ATP11A: variants seen among roughly 807,000 people sequenced by gnomAD.
ATP11A encodes phospholipid-transporting ATPase IH.
Under a neutral mutation model 154.4 loss-of-function variants are expected in ATP11A, and 81 were observed. The observed-to-expected ratio is 0.52, with a 90% CI of 0.44 to 0.63. ATP11A has a LOEUF of 0.63. Ranked by LOEUF, ATP11A falls within the 30% of genes least tolerant of loss-of-function variation. The probability of loss-of-function intolerance (pLI) is 0.00; values close to 1 mark genes in which losing one functional copy is unlikely to be tolerated. For missense variants in ATP11A, 1,316 were observed against 1,474.3 expected, an observed-to-expected ratio of 0.89 and a Z score of 1.76; for synonymous variants, 623 against 585.9, an observed-to-expected ratio of 1.06 and a Z score of -0.91.
At chr13:112,831,961 ACT>A (rs869220178) in intron 13 of ATP11A, among the ~76,000 whole-genome samples, 9 of 62,584 alleles carry the variant, frequency 1.4e-4, no homozygotes, top group East Asian at 6.5e-4. Flanking sequence ...AGACACACAC[ACT>A]CACACATGCC....
At chr13:112,866,420 C>T (rs2080335081) in intron 25 of ATP11A, among the ~76,000 whole-genome samples, 1 of 151,804 alleles carries the variant, frequency 6.6e-6, no homozygotes, top group African/African-American at 2.4e-5. Flanking sequence ...GGATGTTTTC[C>T]GAATTGACTG....
Position 112,851,042 on chromosome 13 carries a change from G to A in ATP11A, c.1815G>A (p.Gly605=). ...CGCTGCATTGTGTTCTGCAGGAGGG[G>A]CTCCGAACTTTGTGTGTTGCTTATA... ...RARVERNAVE[G]LRTLCVAYKR... Residue 605 remains glycine, a synonymous_variant, in exon 18 of 30, where the codon GGG becomes GGA. Transcript: ENST00000375645. 6.2e-7 allele frequency: 1 copy of A among 1,613,830 alleles called. No homozygotes were observed.
chr13:112,760,460 A>G (rs930203943), intron 1 of ATP11A, among the ~76,000 whole-genome samples: 1 of 152,240 alleles, frequency 6.6e-6, no homozygotes, highest in African/African-American at 2.4e-5. Context: ...TTTACATGCC[A>G]GATAGAAACA....
At chr13:112,788,065 C>T (rs571780443) in intron 2 of ATP11A, among the ~76,000 whole-genome samples, 25 of 150,600 alleles carry the variant, frequency 1.7e-4, no homozygotes, top group African/African-American at 5.6e-4. Flanking sequence ...CCTGTGGATA[C>T]CTACTTAATT....
intron 10 of ATP11A, among the ~76,000 whole-genome samples, chr13:112,825,103 A>C (rs190735675): frequency 1.4e-4 from 22 of 152,278 alleles, no homozygotes; most frequent in Admixed American, 1.4e-3. Flanking sequence ...TTAATGGTAG[A>C]AATTGATTTC....
chr13:112,880,354 C>G (rs2080847919), intron 29 of ATP11A: 1 of 306,796 alleles, frequency 3.3e-6, no homozygotes, highest in Non-Finnish European at 5.5e-6. Flanking sequence ...TGGGAGCGGC[C>G]CTGCTGGGAC....
chr13:112,752,886 T>C (rs1220110944), intron 1 of ATP11A, among the ~76,000 whole-genome samples: 1 of 152,222 alleles, frequency 6.6e-6, no homozygotes, highest in South Asian at 2.1e-4. Flanking sequence ...GGCTTCCGCC[T>C]GGCCTCCAGC....
rs1475652320 is a variant in ATP11A at position 112,843,320 on chromosome 13, T to C, written c.1809+941T>C. 2.8e-5 allele frequency among the ~76,000 whole-genome samples: 4 copies of C among 143,906 alleles called. No homozygotes were observed. The East Asian group carries it at 6.4e-4, about 23-fold the overall frequency. The allele number at this position is 143,906 out of a possible 152,430, so 94.4% of individuals were successfully genotyped here. A position where few individuals can be genotyped will look rare whatever the true frequency, so the allele number is the denominator to read the frequency against. On this transcript the variant is annotated intron_variant, in intron 17 of 29. Transcript: ENST00000375645. ...TTCCCTCCCATCAGATGCCCTAACG[T>C]TGGGTGATGCGTGGCTGGGTGGACG...
chr13:112,825,322 C>A, intron 10 of ATP11A, 108 bp from the exon 11 acceptor site: 1 of 1,272,666 alleles, frequency 7.9e-7, no homozygotes, highest in Non-Finnish European at 1.1e-6. Context: ...CATCACTGTG[C>A]CCTTCCTATT....
chr13:112,809,608 G>A (rs75823447), intron 4 of ATP11A, among the ~76,000 whole-genome samples: 2 of 152,176 alleles, frequency 1.3e-5, no homozygotes, highest in African/African-American at 4.8e-5. Context: ...CTGCGTGGTT[G>A]TGTGTTGTGT....
chr13:112,805,095 G>T, intron 3 of ATP11A, 49 bp downstream of exon 3: 1 of 1,407,608 alleles, frequency 7.1e-7, no homozygotes, highest in Admixed American at 2.0e-5. Flanking sequence ...ATCTAAATAA[G>T]TGACATTTTA....
chr13:112,835,697 C>T (rs1046364659), intron 15 of ATP11A, among the ~76,000 whole-genome samples: 15 of 152,236 alleles, frequency 9.9e-5, no homozygotes, highest in Admixed American at 3.3e-4. Context: ...CCAAACACTT[C>T]CGATGCTCCA....
At chr13:112,757,995 G>T (rs1450405169) in intron 1 of ATP11A, among the ~76,000 whole-genome samples, 1 of 152,244 alleles carries the variant, frequency 6.6e-6, no homozygotes, top group Admixed American at 6.5e-5. Flanking sequence ...CACGCCACAT[G>T]CACGAGTGCG....
At chr13:112,719,183 A>G (rs576033441) in intron 1 of ATP11A, among the ~76,000 whole-genome samples, 3 of 151,012 alleles carry the variant, frequency 2.0e-5, no homozygotes, top group African/African-American at 2.4e-5. Flanking sequence ...AATCGCGTCA[A>G]AGACCGTCTT....
rs1179224576 is a variant in ATP11A at position 112,690,589 on chromosome 13, C to T, written c.39+134C>T. The T allele has an allele frequency of 1.6e-5, 13 of 808,396 alleles. No homozygotes were observed. Among genetic ancestry groups the T allele is most frequent in the Admixed American group, 9.0e-5 (2 of 22,250 alleles). The allele number at this position is 808,396 out of a possible 1,614,324, so 50.1% of individuals were successfully genotyped here. A position where few individuals can be genotyped will look rare whatever the true frequency, so the allele number is the denominator to read the frequency against. On this transcript the variant is annotated intron_variant, in intron 1 of 29. Coordinates refer to ENST00000375645, the MANE Select transcript of ATP11A (RefSeq NM_015205.3). This position sits in a 1 kb window ranked among gnomAD's most constrained non-coding sequence, Gnocchi z 5.6. ...CGATGTCTGGGACTCGGACCGCCCC[C>T]GGGGACGAGCGGGATGCTGGGGAGG...
rs532605198 is a variant in ATP11A at position 112,839,412 on chromosome 13, G to A, written c.1706-2864G>A. On this transcript the variant is annotated intron_variant, in intron 16 of 29. Coordinates refer to ENST00000375645, the MANE Select transcript of ATP11A (RefSeq NM_015205.3). ...ATGCCCTTTTTCCAGCCATTTCGGGGACATTTGCTGTCACGCCTGGCTTTC... is the reference window on the plus strand; with the variant it reads ...ATGCCCTTTTTCCAGCCATTTCGGGAACATTTGCTGTCACGCCTGGCTTTC... Among the ~76,000 whole-genome samples, 4 of 152,188 alleles carry A rather than the reference G, an allele frequency of 2.6e-5. No individual in the cohort carries two copies. The East Asian group carries it at 7.8e-4, about 30-fold the overall frequency.
At chr13:112,881,813 C>A (rs779526162) in intron 29 of ATP11A, 63 bp from the exon 30 acceptor site, 1 of 1,367,062 alleles carries the variant, frequency 7.3e-7, no homozygotes, top group African/African-American at 1.5e-5. Context: ...GTTCTCTCAG[C>A]AGAATGGGTG....
chr13:112,801,422 G>A lies in ATP11A; in HGVS notation c.163-3535G>A, dbSNP rs564452943. 2.6e-5 allele frequency among the ~76,000 whole-genome samples: 4 copies of A among 152,252 alleles called. No individual in the cohort carries two copies. The East Asian group carries it at 5.8e-4, about 22-fold the overall frequency. On this transcript the variant is annotated intron_variant, in intron 2 of 29. Coordinates refer to ENST00000375645, the MANE Select transcript of ATP11A (RefSeq NM_015205.3). ...CTTATCACTGTTCTTATGCAGCATT[G>A]TACTGGAAATCCTAGCTAATACAGT...
chr13:112,730,263 G>C (rs1014710598), intron 1 of ATP11A, among the ~76,000 whole-genome samples: 1 of 152,208 alleles, frequency 6.6e-6, no homozygotes, highest in Non-Finnish European at 1.5e-5. Flanking sequence ...CTTCTGTACC[G>C]GAGGCGATGC....
Sources: gnomAD v4.1 joint callset for allele counts (sites outside exome capture counted in the v4.1 genomes callset) on GRCh38, gnomAD v4.1.1 for gene constraint, Gnocchi (gnomAD v3.1) non-coding constraint, MANE v1.5 for transcripts, NCBI Gene and HGNC (gene_info 2026-07-23, HGNC 2026-07-21) for gene names.